STMND1: variants seen among roughly 807,000 people sequenced by gnomAD.
The protein encoded by STMND1 is stathmin domain containing 1, also known as stathmin domain-containing protein 1.
Under a neutral mutation model 23.0 loss-of-function variants are expected in STMND1, and 17 were observed. The ratio of observed to expected loss-of-function variants is 0.74; its 90% CI spans 0.51 to 1.11. The LOEUF is 1.11. STMND1 is among the 50% of genes least tolerant of loss of function. The probability of loss-of-function intolerance (pLI) is 0.00; values close to 1 mark genes in which losing one functional copy is unlikely to be tolerated. For synonymous variants in STMND1, 114 were observed against 119.9 expected (o/e 0.95, Z 0.32); for missense variants, 305 against 329.1 (o/e 0.93, Z 0.57).
intron 2 of STMND1, 137 bp downstream of exon 2, chr6:17,115,276 C>G (rs1761144030): frequency 1.3e-6 from 1 of 764,542 alleles, no homozygotes; most frequent in African/African-American, 1.8e-5. Context: ...GTGTTTTTGT[C>G]TCTGAAACAT....
At chr6:17,126,034 T>TTATATATATATATATATATATA (rs1176278436) in intron 3 of STMND1, among the ~76,000 whole-genome samples, 4 of 42,004 alleles carry the variant, frequency 9.5e-5, no homozygotes, top group Admixed American at 3.9e-4. Flanking sequence ...GATCATTGTT[T>TTATATATATATATATATATATA]TATATATATA....
chr6:17,104,297 G>A (rs765217913), intron 1 of STMND1, among the ~76,000 whole-genome samples: 8 of 151,820 alleles, frequency 5.3e-5, no homozygotes, highest in African/African-American at 9.7e-5. Flanking sequence ...TGTTCTTGTC[G>A]CCCTTTTCAT....
rs538753674 is a variant in STMND1 at position 17,122,566 on chromosome 6, G to A, written c.411+1808G>A. Among the ~76,000 whole-genome samples the A allele has an allele frequency of 9.2e-5, 14 of 152,166 alleles. No individual in the cohort carries two copies. In the East Asian group the frequency reaches 2.5e-3, roughly 27 times the overall value. On this transcript the variant is annotated intron_variant, in intron 3 of 4. Coordinates refer to ENST00000536551, the MANE Select transcript of STMND1 (RefSeq NM_001190766.2). ...GAATAAAGTTAATTTCCTTCTTTGT[G>A]TATGGGGAATGTTGAGAACTCATGA...
At chr6:17,113,329 A>T (rs1333328864) in intron 1 of STMND1, among the ~76,000 whole-genome samples, 1 of 152,218 alleles carries the variant, frequency 6.6e-6, no homozygotes, top group African/African-American at 2.4e-5. Flanking sequence ...CGAAAAGAAC[A>T]GACTGGAGTT....
intron 2 of STMND1, among the ~76,000 whole-genome samples, chr6:17,117,038 T>C (rs1761171396): frequency 6.6e-6 from 1 of 152,104 alleles, no homozygotes; most frequent in South Asian, 2.1e-4. Flanking sequence ...ATAATCACTA[T>C]ACAAGGATCA....
At chr6:17,129,353 A>C in intron 4 of STMND1, 110 bp downstream of exon 4, 2 of 1,052,476 alleles carry the variant, frequency 1.9e-6, no homozygotes, top group Non-Finnish European at 1.3e-6. Flanking sequence ...TGGATCTATA[A>C]TCAGTATTTT....
At chr6:17,104,971 C>A (rs1761000635) in intron 1 of STMND1, among the ~76,000 whole-genome samples, 1 of 151,710 alleles carries the variant, frequency 6.6e-6, no homozygotes, top group South Asian at 2.1e-4. Context: ...GGAAAATATT[C>A]TTTTTAAAAA....
In STMND1 at chr6:17,130,303, G is replaced by A. The variant is rs750359246; in HGVS notation, c.544-291G>A. Among the ~76,000 whole-genome samples, 6 of 152,144 alleles carry A rather than the reference G, an allele frequency of 3.9e-5. No homozygotes were observed. The East Asian group carries it at 1.2e-3, about 30-fold the overall frequency. ...TACTCCTGCTGCATTTTCACCAAGG[G>A]CCCCCACAGCCCTCCACGCGCCCTT... On this transcript the variant is annotated intron_variant, in intron 4 of 4. Coordinates refer to ENST00000536551, the MANE Select transcript of STMND1 (RefSeq NM_001190766.2).
intron 1 of STMND1, among the ~76,000 whole-genome samples, chr6:17,103,853 A>G (rs1416201845): frequency 6.6e-6 from 1 of 151,788 alleles, no homozygotes; most frequent in Non-Finnish European, 1.5e-5. Flanking sequence ...TACAGGTGTA[A>G]CTCACCGCAC....
At chr6:17,129,281 G>T in intron 4 of STMND1, 38 bp downstream of exon 4, 1 of 1,526,362 alleles carries the variant, frequency 6.6e-7, no homozygotes, top group Non-Finnish European at 8.8e-7. Context: ...TGAGGAGTTC[G>T]CTGTCTGTTA....
In STMND1 at chr6:17,129,468, C is replaced by T. The variant is rs184298245; in HGVS notation, c.543+225C>T. On this transcript the variant is annotated intron_variant, in intron 4 of 4. Coordinates refer to ENST00000536551, the MANE Select transcript of STMND1 (RefSeq NM_001190766.2). ...CTCACTGCAATCTTGAACTTTTGGG[C>T]TCAAGCGGTCCCCCTGTCTCCGCCT... Among the ~76,000 whole-genome samples the T allele has an allele frequency of 1.3e-3, 196 of 150,608 alleles. 2 individuals are homozygous for T. The highest frequency in any genetic ancestry group is 4.5e-3 in the African/African-American group (183 of 40,958).
Position 17,130,814 on chromosome 6 carries a change from G to A in STMND1, c.764G>A (p.Ser255Asn). 1 of 1,536,018 alleles carries A rather than the reference G, an allele frequency of 6.5e-7. No individual in the cohort carries two copies. Among genetic ancestry groups the A allele is most frequent in the Non-Finnish European group, 8.7e-7 (1 of 1,146,892 alleles). Residue 255 changes from serine (S) to asparagine (N), a missense_variant, in exon 5 of 5, where the codon AGT (serine) becomes AAT (asparagine). By Grantham distance (46) the Ser-to-Asn change is conservative. Transcript: ENST00000536551. ...GCAACCTTGATTGATAGAAACGAAA[G>A]TGATGAAAGTTTTGGGGTCGTGGAG... is the stretch of plus-strand genomic sequence containing the variant. ...CDATLIDRNE[S>N]DESFGVVESD... is the part of the protein sequence containing the mutation.
At chr6:17,125,153 C>T (rs371046426) in intron 3 of STMND1, among the ~76,000 whole-genome samples, 1 of 129,246 alleles carries the variant, frequency 7.7e-6, no homozygotes, top group Non-Finnish European at 1.6e-5. Flanking sequence ...GCCATTTCTA[C>T]AAAAAAAAAA....
intron 1 of STMND1, among the ~76,000 whole-genome samples, chr6:17,103,665 G>A (rs1171593306): frequency 1.4e-5 from 2 of 139,076 alleles, no homozygotes; most frequent in Non-Finnish European, 3.0e-5. Flanking sequence ...TCCATCCCCC[G>A]GGTTCAAGCA....
chr6:17,104,670 A>G (rs1374584488), intron 1 of STMND1, among the ~76,000 whole-genome samples: 4 of 152,102 alleles, frequency 2.6e-5, no homozygotes, highest in African/African-American at 9.7e-5. Flanking sequence ...TCCTCTAATC[A>G]TCCACATGAC....
intron 1 of STMND1, among the ~76,000 whole-genome samples, chr6:17,111,104 C>T (rs1581367639): frequency 6.6e-6 from 1 of 152,296 alleles, no homozygotes; most frequent in Middle Eastern, 3.4e-3. Context: ...AAACTCATTA[C>T]ATTGTTCTTG....
At chr6:17,118,816 C>G (rs1761192368) in intron 2 of STMND1, among the ~76,000 whole-genome samples, 1 of 152,168 alleles carries the variant, frequency 6.6e-6, no homozygotes, top group Non-Finnish European at 1.5e-5. Flanking sequence ...AACACACATG[C>G]TACCTGTGTC....
intron 2 of STMND1, among the ~76,000 whole-genome samples, chr6:17,117,667 CTTTTTTTTTTTTT>C (rs34107338): frequency 2.0e-5 from 1 of 49,566 alleles, no homozygotes; most frequent in African/African-American, 8.6e-5. Flanking sequence ...TTGGGTTACG[CTTTTTTTTTTTTT>C]TTTTTTTTTT....
chr6:17,125,631 T>C (rs1485102280), intron 3 of STMND1, among the ~76,000 whole-genome samples: 1 of 152,168 alleles, frequency 6.6e-6, no homozygotes, highest in Non-Finnish European at 1.5e-5. Flanking sequence ...GAGGAGGAAG[T>C]TGACTGAGTT....
Sources: allele counts gnomAD v4.1 joint callset (sites outside exome capture counted in the v4.1 genomes callset), GRCh38; gene constraint gnomAD v4.1.1; transcripts MANE v1.5; gene names NCBI Gene and HGNC (gene_info 2026-07-23, HGNC 2026-07-21).